Variants in PRRG1 observed in about 807,000 individuals in gnomAD.
PRRG1 encodes the protein proline rich and Gla domain 1.
In PRRG1, 5 loss-of-function variants were observed where a neutral mutation model predicts 11.8. The ratio of observed to expected loss-of-function variants is 0.42; its 90% CI spans 0.22 to 0.89. The LOEUF (loss-of-function observed/expected upper bound fraction) is 0.89. Ranked by LOEUF, PRRG1 falls within the 40% of genes least tolerant of loss-of-function variation. The pLI is 0.28. For missense variants in PRRG1, 155 were observed against 166.1 expected, an observed-to-expected ratio of 0.93 and a Z score of 0.37; for synonymous variants, 66 against 60.4, an observed-to-expected ratio of 1.09 and a Z score of -0.43.
intron 1 of PRRG1, among the ~76,000 whole-genome samples, chrX:37,391,672 A>G (rs1405314873): frequency 9.0e-6 from 1 of 111,644 alleles, no homozygotes; most frequent in East Asian, 2.8e-4. Flanking sequence ...GGAAGGGAAA[A>G]TTCAAACATC....
intron 3 of PRRG1, among the ~76,000 whole-genome samples, chrX:37,439,802 T>TC (rs2146626092): frequency 9.9e-6 from 1 of 101,268 alleles, no homozygotes; most frequent in African/African-American, 3.8e-5. Context: ...TCTTTTTTTT[T>TC]TTTTTTTTTT....
intron 2 of PRRG1, among the ~76,000 whole-genome samples, chrX:37,420,749 C>G (rs1444568433): frequency 9.2e-6 from 1 of 109,093 alleles, no homozygotes; most frequent in Non-Finnish European, 1.9e-5. Flanking sequence ...GTAGTCCCAG[C>G]TACTCAGGAG....
rs1186807512 is a variant in PRRG1, at chrX:37,409,070, C to T, written c.10+2811C>T. On this transcript the variant is annotated intron_variant, in intron 2 of 3. Coordinates refer to ENST00000378628, the MANE Select transcript of PRRG1 (RefSeq NM_001142395.2). ...AATCCATGTATAATTTTTGATGCCC[C>T]CAAAACTTAACTACTAATAGCCTAC... Among the ~76,000 whole-genome samples the T allele has an allele frequency of 6.1e-4, 68 of 111,222 alleles. 1 individual carries two copies. In the Admixed American group the frequency reaches 6.5e-3, roughly 11 times the overall value.
chrX:37,450,992 T>TTTTTG (rs560769877), intron 3 of PRRG1, among the ~76,000 whole-genome samples: 16,533 of 106,392 alleles, frequency 0.16, 1,164 homozygotes, highest in Middle Eastern at 0.26. Flanking sequence ...ATTTTTGCTG[T>TTTTTG]TTTTGTTTTG....
chrX:37,403,277 A>G (rs1467336993), intron 1 of PRRG1, among the ~76,000 whole-genome samples: 1 of 110,358 alleles, frequency 9.1e-6, no homozygotes, highest in Non-Finnish European at 1.9e-5. Context: ...TGGCACATAT[A>G]CACCATGGAA....
At chrX:37,448,918 A>G (rs1556395877) in intron 3 of PRRG1, among the ~76,000 whole-genome samples, 1 of 111,617 alleles carries the variant, frequency 9.0e-6, no homozygotes, top group Non-Finnish European at 1.9e-5. Context: ...GGTTTGTGCT[A>G]CCACACCTCC....
At chrX:37,428,451 C>T (rs190693486) in intron 3 of PRRG1, among the ~76,000 whole-genome samples, 1 of 111,721 alleles carries the variant, frequency 9.0e-6, no homozygotes, top group East Asian at 2.8e-4. Context: ...TATACAGGCC[C>T]TTTGCAAATC....
At chrX:37,412,592 A>G (rs1486526567) in intron 2 of PRRG1, among the ~76,000 whole-genome samples, 1 of 111,206 alleles carries the variant, frequency 9.0e-6, no homozygotes, top group Non-Finnish European at 1.9e-5. Flanking sequence ...GATGATGTCA[A>G]TAATTTATTA....
At position 37,455,093 on chromosome X, in the gene PRRG1, T is replaced by G. The variant is rs782719540; in HGVS notation, c.*1472T>G. The G allele has an allele frequency of 9.0e-6, 1 of 111,071 alleles. No homozygotes were observed. Among genetic ancestry groups the G allele is most frequent in the African/African-American group, 3.3e-5 (1 of 30,524 alleles). The allele number at this position is 111,071 out of a possible 1,213,427, so 9.2% of individuals were successfully genotyped here. A position where few individuals can be genotyped will look rare whatever the true frequency, so the allele number is the denominator to read the frequency against. ...TTCCAGCTCCATCCCTACAGACTCC[T>G]CCCCGAGTCCTGCCCTGGAACCAAA... On this transcript the variant is annotated 3_prime_UTR_variant, in exon 4 of 4. Coordinates refer to ENST00000378628, the MANE Select transcript of PRRG1 (RefSeq NM_001142395.2).
intron 1 of PRRG1, among the ~76,000 whole-genome samples, chrX:37,380,055 CT>C (rs11362101): frequency 0.2 from 21,889 of 110,683 alleles, 2,486 homozygotes; most frequent in African/African-American, 0.43. Context: ...AAGAATTATA[CT>C]GTAATTAACA....
At chrX:37,438,688 C>T (rs1296807012) in intron 3 of PRRG1, among the ~76,000 whole-genome samples, 3 of 111,227 alleles carry the variant, frequency 2.7e-5, no homozygotes, top group Non-Finnish European at 5.7e-5. Context: ...CCACCCACTG[C>T]GGCCTCCCAA....
In PRRG1 at chrX:37,416,794, A is replaced by G. The variant is rs183760662; in HGVS notation, c.11-9046A>G. ...GATTGGTGTAATCTGCCATTTCATG[A>G]CGAATTCTTTTTGATAAGAAGTAGT... On this transcript the variant is annotated intron_variant, in intron 2 of 3. Coordinates refer to ENST00000378628, the MANE Select transcript of PRRG1 (RefSeq NM_001142395.2). 5.3e-5 allele frequency among the ~76,000 whole-genome samples: 6 copies of G among 112,524 alleles called. No homozygotes were observed. The East Asian group carries it at 1.7e-3, about 31-fold the overall frequency.
intron 1 of PRRG1, among the ~76,000 whole-genome samples, chrX:37,396,659 G>A (rs1931722726): frequency 1.8e-5 from 2 of 110,909 alleles, no homozygotes; most frequent in African/African-American, 6.6e-5. Context: ...TCTCAGGTAT[G>A]TCTTTATCAG....
chrX:37,440,071 G>T (rs1398414635), intron 3 of PRRG1, among the ~76,000 whole-genome samples: 1 of 110,816 alleles, frequency 9.0e-6, no homozygotes, highest in Non-Finnish European at 1.9e-5. Context: ...AAGTGCTCGG[G>T]TTACAGGCAG....
At chrX:37,451,028 T>TTTTGTTTTGTTTTGTTTTGC (rs1921113522) in intron 3 of PRRG1, among the ~76,000 whole-genome samples, 1 of 112,149 alleles carries the variant, frequency 8.9e-6, no homozygotes, top group African/African-American at 3.2e-5. Context: ...TTTTGTTTTG[T>TTTTGTTTTGTTTTGTTTTGC]TTTGTTGAGA....
intron 2 of PRRG1, 115 bp downstream of exon 2, chrX:37,406,374 A>G (rs979923137): frequency 1.3e-6 from 1 of 773,181 alleles, no homozygotes; most frequent in African/African-American, 2.1e-5. Flanking sequence ...ATTTCTTGTT[A>G]GTGTTAGAAA....
At chrX:37,403,485 G>T (rs1200747786) in intron 1 of PRRG1, among the ~76,000 whole-genome samples, 3 of 68,369 alleles carry the variant, frequency 4.4e-5, no homozygotes, top group African/African-American at 1.7e-4. Flanking sequence ...GTTGTGGGGT[G>T]GGGGGAGGGG....
chrX:37,425,726 G>T, intron 2 of PRRG1, 114 bp from the exon 3 acceptor site: 1 of 628,554 alleles, frequency 1.6e-6, no homozygotes, highest in South Asian at 3.9e-5. Flanking sequence ...CTTCATTGCT[G>T]ACTCACGGAA....
In PRRG1 at chrX:37,385,472, G is replaced by A. The variant is rs782449154; in HGVS notation, c.-41-20737G>A. Among the ~76,000 whole-genome samples, 5 of 109,355 alleles carry A rather than the reference G, an allele frequency of 4.6e-5. No individual in the cohort carries two copies. In the South Asian group the frequency reaches 1.9e-3, roughly 42 times the overall value. The allele number at this position is 109,355 out of a possible 115,157, so 95.0% of individuals were successfully genotyped here. ...TAATGATTCGTATACTTTTCTGTATGTATGAGATATATATGTGTATATATA... is the reference window on the plus strand; with the variant it reads ...TAATGATTCGTATACTTTTCTGTATATATGAGATATATATGTGTATATATA... On this transcript the variant is annotated intron_variant, in intron 1 of 3. Transcript: ENST00000378628.
Sources: gnomAD v4.1 joint callset for allele counts (sites outside exome capture counted in the v4.1 genomes callset) on GRCh38, gnomAD v4.1.1 for gene constraint, MANE v1.5 for transcripts, NCBI Gene and HGNC (gene_info 2026-07-23, HGNC 2026-07-21) for gene names.